The following FBN1 variants were observed in gnomAD, a reference collection of about 807,000 sequenced individuals.
The protein encoded by FBN1 is fibrillin-1.
FBN1 carries 29 observed loss-of-function variants against 365.1 expected under a neutral mutation model. That is an observed-to-expected ratio of 0.08 (90% CI 0.06 to 0.11). The LOEUF (loss-of-function observed/expected upper bound fraction) is 0.11, where lower values mean the gene tolerates loss of function less well. Ranked by LOEUF, FBN1 falls within the 10% of genes least tolerant of loss-of-function variation. The pLI is 1.00. For synonymous variants in FBN1, 1,210 were observed against 1,270.5 expected (o/e 0.95, Z 1.01); for missense variants, 2,476 against 3,703.2 (o/e 0.67, Z 8.60).
At chr15:48,616,027 C>T (rs192068571) in intron 2 of FBN1, among the ~76,000 whole-genome samples, 4 of 152,342 alleles carry the variant, frequency 2.6e-5, no homozygotes, top group African/African-American at 9.6e-5. Flanking sequence ...TTTCCATCGT[C>T]TTTCACTTAA....
Position 48,421,598 on chromosome 15 carries a change from C to G in FBN1, c.7659G>C (p.Gln2553His), listed in dbSNP as rs2042942158. 1.2e-6 allele frequency: 2 copies of G among 1,613,716 alleles called. No homozygotes were observed. Among genetic ancestry groups the G allele is most frequent in the African/African-American group, 2.7e-5 (2 of 74,940 alleles). Residue 2553 changes from glutamine to histidine, a missense_variant, in exon 62 of 66, where the codon CAG becomes CAC. By Grantham distance (24) the Gln-to-His change is conservative. Coordinates refer to ENST00000316623, the MANE Select transcript of FBN1 (RefSeq NM_000138.5). The stretch of plus-strand genomic sequence containing the variant: ...CGGTCTGATCAAGTGAGAATCCCCG[C>G]TGGCATTCACAGGTGAAGCTTCCAG... Reference protein sequence around the residue: ...NTPGSFTCECQRGFSLDQTGS... With the variant: ...NTPGSFTCECHRGFSLDQTGS...
chr15:48,599,101 C>A (rs2044539165), intron 5 of FBN1, among the ~76,000 whole-genome samples: 1 of 152,126 alleles, frequency 6.6e-6, no homozygotes, highest in African/African-American at 2.4e-5. Flanking sequence ...ATAAATTGGC[C>A]AGTCTTGGGT....
rs2042835513 is a variant in FBN1 at position 48,408,444 on chromosome 15, GTTGT to G, written c.*2542_*2545del. The G allele has an allele frequency of 6.6e-6, 1 of 152,628 alleles. No homozygotes were observed. Among genetic ancestry groups the G allele is most frequent in the Non-Finnish European group, 1.5e-5 (1 of 68,038 alleles). 9.5% of individuals were successfully genotyped at this position (152,628 alleles called of 1,614,324 possible). A position where few individuals can be genotyped will look rare whatever the true frequency, so the allele number is the denominator to read the frequency against. ...CTGCTATTTGTTGAACAAAAATGTA[GTTGT>G]TTGTGCAAGTTTAAACATTTCACAA... On this transcript the variant is annotated 3_prime_UTR_variant, in exon 66 of 66. Coordinates refer to ENST00000316623, the MANE Select transcript of FBN1 (RefSeq NM_000138.5).
chr15:48,428,106 A>G lies in FBN1; in HGVS notation c.6997+240T>C, dbSNP rs55936070. Reference sequence around the variant, plus strand: ...GGATCCTGATCACCAAGGGCTTCAAAGGCAGCCAAGAAATTCCAAACAAGT... The same window carrying G: ...GGATCCTGATCACCAAGGGCTTCAAGGGCAGCCAAGAAATTCCAAACAAGT... On this transcript the variant is annotated intron_variant, in intron 57 of 65. Transcript: ENST00000316623. 106 of 638,438 alleles carry G rather than the reference A, an allele frequency of 1.7e-4. No individual in the cohort carries two copies. The East Asian group carries it at 2.9e-3, about 18-fold the overall frequency. The allele number at this position is 638,438 out of a possible 1,614,324, so 39.5% of individuals were successfully genotyped here.
At chr15:48,425,959 G>T in intron 58 of FBN1, 95 bp from the exon 59 acceptor site, 1 of 1,009,140 alleles carries the variant, frequency 9.9e-7, no homozygotes, top group South Asian at 1.4e-5. Context: ...AATAAATTGT[G>T]TTACTATATT....
In FBN1 at chr15:48,422,086, A is replaced by C. The variant is rs2042948306; in HGVS notation, c.7454-18T>G. Reference sequence around the variant, plus strand: ...ATCAAGATCTACAAGAAAATGCAAGAGAGGCATTTGAGTCAAGCCAACAAA... The same window carrying C: ...ATCAAGATCTACAAGAAAATGCAAGCGAGGCATTTGAGTCAAGCCAACAAA... On this transcript the variant is annotated intron_variant, in intron 60 of 65. Coordinates refer to ENST00000316623, the MANE Select transcript of FBN1 (RefSeq NM_000138.5). 1 of 1,551,046 alleles carries C rather than the reference A, an allele frequency of 6.4e-7. No individual in the cohort carries two copies. Among genetic ancestry groups the C allele is most frequent in the Non-Finnish European group, 8.9e-7 (1 of 1,122,492 alleles).
chr15:48,411,482 G>A lies in FBN1; in HGVS notation c.8227-103C>T, dbSNP rs73390278. On this transcript the variant is annotated intron_variant, in intron 65 of 65. Transcript: ENST00000316623. ...AAATTTCACACTAATACAATTTTCT[G>A]CCTTATGCTGCATACACAATATTGA... 1,828 of 1,032,766 alleles carry A rather than the reference G, an allele frequency of 1.8e-3. 21 individuals are homozygous for A. In the African/African-American group the frequency reaches 0.026, roughly 14 times the overall value. 64.0% of individuals were successfully genotyped at this position (1,032,766 alleles called of 1,614,324 possible). A position where few individuals can be genotyped will look rare whatever the true frequency, so the allele number is the denominator to read the frequency against.
chr15:48,525,718 G>A (rs1278517788), intron 9 of FBN1, among the ~76,000 whole-genome samples: 1 of 152,148 alleles, frequency 6.6e-6, no homozygotes, highest in Non-Finnish European at 1.5e-5. Context: ...CTGACAAGAT[G>A]GATTGTAGAG....
intron 6 of FBN1, among the ~76,000 whole-genome samples, chr15:48,552,176 G>A (rs967573335): frequency 6.6e-6 from 1 of 151,864 alleles, no homozygotes; most frequent in Admixed American, 6.6e-5. Context: ...GTTATTTTTT[G>A]ACTTTTTAAT....
chr15:48,527,831 G>A (rs998148725), intron 8 of FBN1, among the ~76,000 whole-genome samples: 9 of 152,302 alleles, frequency 5.9e-5, no homozygotes, highest in Middle Eastern at 3.4e-3. Context: ...ATTATGTAAC[G>A]GTAAAGGTGC....
chr15:48,497,938 C>T (rs75437570), intron 18 of FBN1, among the ~76,000 whole-genome samples: 1,960 of 152,302 alleles, frequency 0.013, 45 homozygotes, highest in African/African-American at 0.045. Flanking sequence ...ATATAATGCC[C>T]TCTTCACTCT....
intron 6 of FBN1, among the ~76,000 whole-genome samples, chr15:48,547,948 A>G (rs1470560765): frequency 1.3e-5 from 2 of 152,218 alleles, no homozygotes; most frequent in African/African-American, 4.8e-5. Flanking sequence ...CATTACTCAG[A>G]ACACGTGAGT....
At chr15:48,570,039 C>G (rs987518417) in intron 6 of FBN1, among the ~76,000 whole-genome samples, 2 of 152,028 alleles carry the variant, frequency 1.3e-5, no homozygotes, top group Admixed American at 1.3e-4. Flanking sequence ...AAGATGCACA[C>G]GTTGTCAACT....
intron 6 of FBN1, among the ~76,000 whole-genome samples, chr15:48,546,585 G>A (rs1282149107): frequency 2.6e-5 from 4 of 152,190 alleles, no homozygotes; most frequent in South Asian, 2.1e-4. Flanking sequence ...TTTGGCAGGG[G>A]CTGGATTATG....
Position 48,601,981 on chromosome 15 carries a change from C to G in FBN1, c.347-1747G>C, listed in dbSNP as rs1413498509. Among the ~76,000 whole-genome samples, 3 of 152,234 alleles carry G rather than the reference C, an allele frequency of 2.0e-5. No homozygotes were observed. The East Asian group carries it at 5.8e-4, about 29-fold the overall frequency. On this transcript the variant is annotated intron_variant, in intron 4 of 65. Transcript: ENST00000316623. ...CCACTATGTCCTATGACTCCATCCC[C>G]TGATCTACTTATCAGTCATTCATTC...
chr15:48,499,856 T>C (rs187611779), intron 17 of FBN1, among the ~76,000 whole-genome samples: 148 of 152,334 alleles, frequency 9.7e-4, no homozygotes, highest in African/African-American at 3.5e-3. Flanking sequence ...CACAGTCTCA[T>C]GGTCATATGT....
intron 12 of FBN1, among the ~76,000 whole-genome samples, 181 bp downstream of exon 12, chr15:48,515,206 T>C (rs2043790452): frequency 6.6e-6 from 1 of 152,224 alleles, no homozygotes; most frequent in African/African-American, 2.4e-5. Flanking sequence ...AACACCTGGA[T>C]GTTAGCCCAG....
chr15:48,425,204 C>T (rs554621660), intron 60 of FBN1, among the ~76,000 whole-genome samples, 165 bp downstream of exon 60: 3 of 152,260 alleles, frequency 2.0e-5, no homozygotes, highest in Admixed American at 6.5e-5. Context: ...CTTTAGCCTC[C>T]TTCCCTCCAG....
intron 57 of FBN1, 68 bp from the exon 58 acceptor site, chr15:48,427,841 T>G: frequency 6.7e-7 from 1 of 1,503,676 alleles, no homozygotes; most frequent in Non-Finnish European, 9.2e-7. Context: ...TATTAAAAAT[T>G]TGGTCAGATA....
Sources: allele counts gnomAD v4.1 joint callset (sites outside exome capture counted in the v4.1 genomes callset), GRCh38; gene constraint gnomAD v4.1.1; transcripts MANE v1.5; gene names NCBI Gene and HGNC (gene_info 2026-07-23, HGNC 2026-07-21).